Variants in DBX1 observed in about 807,000 individuals in gnomAD.
DBX1 encodes developing brain homeobox 1, also known as homeobox protein DBX1.
DBX1 carries 10 observed loss-of-function variants against 20.8 expected under a neutral mutation model. That is an observed-to-expected ratio of 0.48 (90% confidence interval 0.30 to 0.82). The LOEUF (loss-of-function observed/expected upper bound fraction) is 0.82. Ranked by LOEUF, DBX1 falls within the 40% of genes least tolerant of loss-of-function variation. The pLI, the probability that DBX1 is intolerant of heterozygous loss-of-function variation, is 0.07. For missense variants in DBX1, 505 were observed against 468.8 expected (o/e 1.08, Z -0.71); for synonymous variants, 241 against 213.9 (o/e 1.13, Z -1.11).
chr11:20,160,180 G>C lies in DBX1; in HGVS notation c.145C>G (p.Arg49Gly), dbSNP rs746563592. 4.5e-4 allele frequency: 703 copies of C among 1,547,542 alleles called. 6 individuals are homozygous for C. The highest frequency in any genetic ancestry group is 5.1e-5 in the Non-Finnish European group (59 of 1,146,322). Residue 49 changes from arginine to glycine, a missense_variant, in exon 1 of 4, where the codon CGA becomes GGA. Arg to Gly is a moderately radical substitution (Grantham distance 125, BLOSUM62 -2). Transcript: ENST00000524983. ...CTGCGGGGCAGGTAGGCGGGGGGTCGGCTGATGCGGATCAGATCCTCCACC... is the reference window on the plus strand; with the variant it reads ...CTGCGGGGCAGGTAGGCGGGGGGTCCGCTGATGCGGATCAGATCCTCCACC... ...FLVEDLIRIS[R>G]PPAYLPRSVP...
chr11:20,156,325 C>T lies in DBX1; in HGVS notation c.921G>A (p.Gly307=). The T allele has an allele frequency of 6.3e-7, 1 of 1,577,938 alleles. No individual in the cohort carries two copies. The highest frequency in any genetic ancestry group is 8.6e-7 in the Non-Finnish European group (1 of 1,161,254). ...PQHLRDPRLP[G]PLPPSPAHSS... ...AGTGCGCGGGCGAGGGGGGCAGCGG[C>T]CCTGGCAGCCGCGGGTCCCGCAGGT... Residue 307 remains glycine, a synonymous_variant, in exon 4 of 4, where the codon GGG becomes GGA. Transcript: ENST00000524983. This position sits in a 1 kb window ranked among gnomAD's most constrained non-coding sequence, Gnocchi z 4.8.
In DBX1 at chr11:20,156,803, GT is replaced by G. The variant is rs1437485130; in HGVS notation, c.673-231del. 8 of 805,164 alleles carry G rather than the reference GT, an allele frequency of 9.9e-6. No homozygotes were observed. The highest frequency in any genetic ancestry group is 1.6e-5 in the Non-Finnish European group (8 of 501,548). The allele number at this position is 805,164 out of a possible 1,614,324, so 49.9% of individuals were successfully genotyped here. ...CTGCCACCCTGCCCCGAAGGGCGGG[GT>G]TGGGGGCCGGTGAGGCCGGGAGAGA... is the stretch of plus-strand genomic sequence containing the variant. On this transcript the variant is annotated intron_variant, in intron 3 of 3. Transcript: ENST00000524983. This position sits in a 1 kb window ranked among gnomAD's most constrained non-coding sequence, Gnocchi z 4.8.
chr11:20,158,748 C>T (rs899683471), intron 2 of DBX1, among the ~76,000 whole-genome samples: 1 of 151,954 alleles, frequency 6.6e-6, no homozygotes, highest in African/African-American at 2.4e-5. Flanking sequence ...GAAATTAGCC[C>T]CGGCTGGTAG....
chr11:20,157,490 C>T (rs1170486353), intron 2 of DBX1, among the ~76,000 whole-genome samples: 1 of 152,248 alleles, frequency 6.6e-6, no homozygotes, highest in African/African-American at 2.4e-5. Flanking sequence ...CCCACAATAG[C>T]CTGTTTCGTT....
rs1316632876 is a variant in DBX1, at chr11:20,160,441, A to C, written c.-117T>G. Reference sequence around the variant, plus strand: ...CTCTTGGGCTTAGCAAACGTCTCCAAGTAACAATCCCACTTGGGCGTCTGC... The same window carrying C: ...CTCTTGGGCTTAGCAAACGTCTCCACGTAACAATCCCACTTGGGCGTCTGC... On this transcript the variant is annotated 5_prime_UTR_variant, in exon 1 of 4. Transcript: ENST00000524983. The C allele has an allele frequency of 1.5e-6, 2 of 1,329,692 alleles. No homozygotes were observed. Among genetic ancestry groups the C allele is most frequent in the Admixed American group, 3.2e-5 (1 of 31,034 alleles). The allele number at this position is 1,329,692 out of a possible 1,614,324, so 82.4% of individuals were successfully genotyped here.
Position 20,156,759 on chromosome 11 carries a change from GT to G in DBX1, c.673-187del. On this transcript the variant is annotated intron_variant, in intron 3 of 3. Transcript: ENST00000524983. The surrounding 1 kb of genome is among the most constrained non-coding windows in gnomAD (Gnocchi z 4.8). Reference sequence around the variant, plus strand: ...GACTCCGCCCCCGCCTCAGCTCGCGGTTCCGTTTGCCTCATCCGCTGCCACC... The same window carrying G: ...GACTCCGCCCCCGCCTCAGCTCGCGGTCCGTTTGCCTCATCCGCTGCCACC... 9.8e-7 allele frequency: 1 copy of G among 1,018,986 alleles called. No homozygotes were observed. Among genetic ancestry groups the G allele is most frequent in the East Asian group, 2.4e-5 (1 of 41,502 alleles). The allele number at this position is 1,018,986 out of a possible 1,614,324, so 63.1% of individuals were successfully genotyped here. A position where few individuals can be genotyped will look rare whatever the true frequency, so the allele number is the denominator to read the frequency against.
intron 2 of DBX1, among the ~76,000 whole-genome samples, chr11:20,158,063 A>G (rs1244956866): frequency 6.6e-6 from 1 of 152,170 alleles, no homozygotes; most frequent in Non-Finnish European, 1.5e-5. Context: ...TTGGGAGAAT[A>G]CTGATGGCAG....
Position 20,160,083 on chromosome 11 carries a change from T to C in DBX1, c.242A>G (p.Asp81Gly). ...PTALTDTGAS[D>G]LGSPGPGSRR... ...GCTGCCGGGACCCGGGGAGCCCAGG[T>C]CCGAGGCCCCCGTGTCGGTGAGGGC... Residue 81 changes from aspartate (D) to glycine (G), a missense_variant, in exon 1 of 4, where the codon GAC becomes GGC. Transcript: ENST00000524983. The C allele has an allele frequency of 1.9e-6, 3 of 1,564,954 alleles. No individual in the cohort carries two copies. The highest frequency in any genetic ancestry group is 2.6e-6 in the Non-Finnish European group (3 of 1,154,586).
chr11:20,159,761 G>A (rs1352287759), intron 1 of DBX1, among the ~76,000 whole-genome samples, 197 bp downstream of exon 1: 1 of 152,224 alleles, frequency 6.6e-6, no homozygotes, highest in Non-Finnish European at 1.5e-5. Flanking sequence ...CGAGGATGGG[G>A]CGAGCCTGGA....
In DBX1 at chr11:20,158,241, GCT is replaced by G. The variant is rs1205960351; in HGVS notation, c.469+948_469+949del. On this transcript the variant is annotated intron_variant, in intron 2 of 3. Coordinates refer to ENST00000524983, the MANE Select transcript of DBX1 (RefSeq NM_001029865.4). Reference sequence around the variant, plus strand: ...TGGTGGTGGTGGTGGTGGTGGTGGTGCTGGGGGGTGGGGGGAGGGCGAATTAT... The same window carrying G: ...TGGTGGTGGTGGTGGTGGTGGTGGTGGGGGGGTGGGGGGAGGGCGAATTAT... Among the ~76,000 whole-genome samples, 4 of 107,932 alleles carry G rather than the reference GCT, an allele frequency of 3.7e-5. No homozygotes were observed. The Admixed American group carries it at 4.5e-4, about 12-fold the overall frequency. The allele number at this position is 107,932 out of a possible 152,430, so 70.8% of individuals were successfully genotyped here. A position where few individuals can be genotyped will look rare whatever the true frequency, so the allele number is the denominator to read the frequency against.
In DBX1 at chr11:20,160,235, C is replaced by T. The variant is rs2153737979; in HGVS notation, c.90G>A (p.Gln30=). 1 of 1,545,866 alleles carries T rather than the reference C, an allele frequency of 6.5e-7. No homozygotes were observed. The highest frequency in any genetic ancestry group is 8.7e-7 in the Non-Finnish European group (1 of 1,146,564). Residue 30 remains glutamine (Q), a synonymous_variant, in exon 1 of 4, where the codon CAG becomes CAA. Coordinates refer to ENST00000524983, the MANE Select transcript of DBX1 (RefSeq NM_001029865.4). ...TPTLTLPQSL[Q]SAFSGHSSFL... ...AGCTGGAGTGGCCGGAAAATGCCGA[C>T]TGCAAGGACTGGGGCAGCGTCAAGG...
chr11:20,158,554 A>G lies in DBX1; in HGVS notation c.469+637T>C, dbSNP rs543061004. ...AACTGCTTCTTATTTTGCAAGATCA[A>G]CGGTATTTTATAATACAGGGTGGGA... is the stretch of plus-strand genomic sequence containing the variant. On this transcript the variant is annotated intron_variant, in intron 2 of 3. Transcript: ENST00000524983. Among the ~76,000 whole-genome samples the G allele has an allele frequency of 3.2e-3, 483 of 152,208 alleles. 1 individual carries two copies. Among genetic ancestry groups the G allele is most frequent in the African/African-American group, 0.011 (468 of 41,534 alleles).
At chr11:20,157,362 G>T (rs2063665787) in intron 2 of DBX1, 123 bp from the exon 3 acceptor site, 4 of 893,894 alleles carry the variant, frequency 4.5e-6, no homozygotes, top group Non-Finnish European at 1.7e-6. Context: ...TCCCCCTGGA[G>T]AATAGGCCAC....
chr11:20,160,197 TC>T lies in DBX1; in HGVS notation c.127del (p.Asp43IlefsTer2), dbSNP rs1284020867. ...GGGGGGTCGGCTGATGCGGATCAGA[TC>T]CTCCACCAGGAAGCTGGAGTGGCCG... The part of the protein sequence containing the change: ...FSGHSSFLVE[D>X]LIRISRPPAY... On this transcript the variant is annotated frameshift_variant, in exon 1 of 4. Coordinates refer to ENST00000524983, the MANE Select transcript of DBX1 (RefSeq NM_001029865.4). LOFTEE classifies it high-confidence loss of function. 6.5e-7 allele frequency: 1 copy of T among 1,547,720 alleles called. No individual in the cohort carries two copies. The highest frequency in any genetic ancestry group is 8.7e-7 in the Non-Finnish European group (1 of 1,146,614).
rs1326205587 is a variant in DBX1, at chr11:20,156,759, G to A, written c.673-186C>T. On this transcript the variant is annotated intron_variant, in intron 3 of 3. Transcript: ENST00000524983. This position sits in a 1 kb window ranked among gnomAD's most constrained non-coding sequence, Gnocchi z 4.8. Reference sequence around the variant, plus strand: ...GACTCCGCCCCCGCCTCAGCTCGCGGTTCCGTTTGCCTCATCCGCTGCCAC... The same window carrying A: ...GACTCCGCCCCCGCCTCAGCTCGCGATTCCGTTTGCCTCATCCGCTGCCAC... 2.0e-6 allele frequency: 2 copies of A among 1,018,866 alleles called. No homozygotes were observed. Among genetic ancestry groups the A allele is most frequent in the Non-Finnish European group, 3.0e-6 (2 of 667,462 alleles). The allele number at this position is 1,018,866 out of a possible 1,614,324, so 63.1% of individuals were successfully genotyped here.
intron 2 of DBX1, 128 bp from the exon 3 acceptor site, chr11:20,157,367 G>C: frequency 2.3e-6 from 2 of 853,274 alleles, no homozygotes; most frequent in Non-Finnish European, 1.8e-6. Context: ...CTGGAGAATA[G>C]GCCACGAACC....
chr11:20,157,324 C>T, intron 2 of DBX1, 85 bp from the exon 3 acceptor site: 2 of 1,275,134 alleles, frequency 1.6e-6, no homozygotes, highest in African/African-American at 1.5e-5. Flanking sequence ...GCTCTGATCC[C>T]TTCATCTCTT....
rs1172018402 is a variant in DBX1, at chr11:20,160,307, G to T, written c.18C>A (p.Leu6=). The T allele has an allele frequency of 6.6e-7, 1 of 1,521,906 alleles. No homozygotes were observed. The highest frequency in any genetic ancestry group is 2.0e-5 in the Admixed American group (1 of 49,694). 94.3% of individuals were successfully genotyped at this position (1,521,906 alleles called of 1,614,324 possible). A position where few individuals can be genotyped will look rare whatever the true frequency, so the allele number is the denominator to read the frequency against. The change falls in exon 1 of 4, where the codon CTC becomes CTA. Residue 6 remains leucine, a synonymous_variant. Coordinates refer to ENST00000524983, the MANE Select transcript of DBX1 (RefSeq NM_001029865.4). MMFPG[L]LAPPAGYPSL... ...TAGGGTACCCGGCGGGGGGCGCGAG[G>T]AGGCCGGGGAACATCATGGTAGGCG...
chr11:20,160,437 T>C lies in DBX1; in HGVS notation c.-113A>G. On this transcript the variant is annotated 5_prime_UTR_variant, in exon 1 of 4. Coordinates refer to ENST00000524983, the MANE Select transcript of DBX1 (RefSeq NM_001029865.4). ...CTCTCTCTTGGGCTTAGCAAACGTC[T>C]CCAAGTAACAATCCCACTTGGGCGT... 1 of 1,328,172 alleles carries C rather than the reference T, an allele frequency of 7.5e-7. No individual in the cohort carries two copies. The highest frequency in any genetic ancestry group is 9.8e-7 in the Non-Finnish European group (1 of 1,025,422). 82.3% of individuals were successfully genotyped at this position (1,328,172 alleles called of 1,614,324 possible).
Sources: gnomAD v4.1 joint callset for allele counts (sites outside exome capture counted in the v4.1 genomes callset) on GRCh38, gnomAD v4.1.1 for gene constraint, Gnocchi (gnomAD v3.1) non-coding constraint, MANE v1.5 for transcripts, NCBI Gene and HGNC (gene_info 2026-07-23, HGNC 2026-07-21) for gene names.